The following FA2H variants were observed in gnomAD, a reference collection of about 807,000 sequenced individuals.
FA2H encodes the protein fatty acid alpha-hydroxylase.
In FA2H, 22 loss-of-function variants were observed where a neutral mutation model predicts 44.9. The observed-to-expected ratio is 0.49, with a 90% CI of 0.35 to 0.70. FA2H has a LOEUF of 0.70. Ranked by LOEUF, FA2H falls within the 30% of genes least tolerant of loss-of-function variation. The pLI, the probability that FA2H is intolerant of heterozygous loss-of-function variation, is 0.01. For synonymous variants in FA2H, 243 were observed against 213.2 expected (o/e 1.14, Z -1.22); for missense variants, 501 against 504.9 (o/e 0.99, Z 0.07).
At chr16:74,716,766 G>T in intron 5 of FA2H, 167 bp from the exon 6 acceptor site, 2 of 654,952 alleles carry the variant, frequency 3.1e-6, no homozygotes, top group Non-Finnish European at 5.0e-6. Context: ...ACGTCTGGAA[G>T]ATCTGGAGAG....
chr16:74,764,995 C>G (rs140686768), intron 1 of FA2H, among the ~76,000 whole-genome samples: 1 of 152,036 alleles, frequency 6.6e-6, no homozygotes, highest in Admixed American at 6.6e-5. Context: ...ACTCATGGGA[C>G]GGGTAGACTG....
chr16:74,770,027 C>A (rs1410010904), intron 1 of FA2H, among the ~76,000 whole-genome samples: 2 of 152,210 alleles, frequency 1.3e-5, no homozygotes, highest in Non-Finnish European at 2.9e-5. Context: ...CGGGTCCAGG[C>A]CTTCTCCCTG....
intron 4 of FA2H, among the ~76,000 whole-genome samples, chr16:74,725,582 ATC>A (rs1961935038): frequency 1.3e-5 from 2 of 152,156 alleles, no homozygotes; most frequent in African/African-American, 4.8e-5. Context: ...CTCCCTTGAT[ATC>A]TCTGAGGCTC....
At chr16:74,751,286 G>A (rs241380) in intron 1 of FA2H, among the ~76,000 whole-genome samples, 27,848 of 149,184 alleles carry the variant, frequency 0.19, 3,518 homozygotes, top group East Asian at 0.37. Flanking sequence ...AGTAGAGATG[G>A]GATTTCACTA....
chr16:74,746,592 C>A lies in FA2H; in HGVS notation c.271-6477G>T, dbSNP rs151218254. 2.3e-3 allele frequency among the ~76,000 whole-genome samples: 343 copies of A among 152,186 alleles called. 9 individuals carry two copies. The East Asian group carries it at 0.061, about 27-fold the overall frequency. ...TCTCCAGATTTTAAAATTTGACTTG[C>A]ATTTAAAACAAATGATGTGGGCCGA... is the stretch of plus-strand genomic sequence containing the variant. On this transcript the variant is annotated intron_variant, in intron 1 of 6. Transcript: ENST00000219368.
chr16:74,724,945 C>G (rs1256949283), intron 4 of FA2H, among the ~76,000 whole-genome samples: 1 of 152,222 alleles, frequency 6.6e-6, no homozygotes, highest in Non-Finnish European at 1.5e-5. Context: ...CTTCAGCATC[C>G]CCTTCCCCCT....
intron 5 of FA2H, 65 bp from the exon 6 acceptor site, chr16:74,716,664 GC>G: frequency 6.7e-7 from 1 of 1,493,790 alleles, no homozygotes. Context: ...CCAAACCCTG[GC>G]CACTCCCTGC....
intron 1 of FA2H, among the ~76,000 whole-genome samples, chr16:74,761,058 A>T (rs963547006): frequency 2.0e-5 from 3 of 152,150 alleles, no homozygotes; most frequent in African/African-American, 7.2e-5. Context: ...ACCATGGCAC[A>T]CGTTTACCTG....
chr16:74,715,215 A>G (rs1961666616), intron 6 of FA2H, among the ~76,000 whole-genome samples: 1 of 152,162 alleles, frequency 6.6e-6, no homozygotes, highest in Non-Finnish European at 1.5e-5. Context: ...AAACTTTAGT[A>G]TCTGAATTGA....
chr16:74,734,517 C>T (rs1225375199), intron 2 of FA2H, among the ~76,000 whole-genome samples: 1 of 152,220 alleles, frequency 6.6e-6, no homozygotes, highest in African/African-American at 2.4e-5. Context: ...GCCCCTCCCC[C>T]AGCCTGCTCG....
chr16:74,741,808 A>ATATATGTGTGTGTGTGTGTG (rs1491185782), intron 1 of FA2H, among the ~76,000 whole-genome samples: 1 of 48,416 alleles, frequency 2.1e-5, no homozygotes, highest in Non-Finnish European at 3.5e-5. Flanking sequence ...ATATATATAT[A>ATATATGTGTGTGTGTGTGTG]TGTGTGTGTG....
rs541753758 is a variant in FA2H, at chr16:74,714,226, G to C, written c.1083C>G (p.Thr361=). ...STKLWDYCFH[T]LTPEKPHLKT... Reference sequence around the variant, plus strand: ...TCAGGTGGGGTTTCTCTGGAGTGAGGGTGTGGAAACAGTAATCCCACAATT... The same window carrying C: ...TCAGGTGGGGTTTCTCTGGAGTGAGCGTGTGGAAACAGTAATCCCACAATT... Residue 361 remains threonine, a synonymous_variant, in exon 7 of 7, where the codon ACC becomes ACG. Coordinates refer to ENST00000219368, the MANE Select transcript of FA2H (RefSeq NM_024306.5). 1.9e-6 allele frequency: 3 copies of C among 1,566,354 alleles called. No homozygotes were observed. The Admixed American group carries it at 5.7e-5, about 30-fold the overall frequency.
rs79408408 is a variant in FA2H, at chr16:74,745,084, A to C, written c.271-4969T>G. On this transcript the variant is annotated intron_variant, in intron 1 of 6. Transcript: ENST00000219368. The stretch of plus-strand genomic sequence containing the variant: ...GCGAACGAGACTGTCCCAGGGCAAC[A>C]GTCTGGTGCTGAGGACAGAAGCCCT... 9.4e-3 allele frequency among the ~76,000 whole-genome samples: 1,430 copies of C among 152,314 alleles called. 10 individuals are homozygous for C. The highest frequency in any genetic ancestry group is 0.014 in the Non-Finnish European group (960 of 68,022).
At chr16:74,745,851 G>A (rs1962412280) in intron 1 of FA2H, among the ~76,000 whole-genome samples, 1 of 144,480 alleles carries the variant, frequency 6.9e-6, no homozygotes, top group South Asian at 2.2e-4. Context: ...TGTAGCCCTG[G>A]CTAGAATGCA....
chr16:74,723,956 C>T (rs1467990917), intron 4 of FA2H, among the ~76,000 whole-genome samples: 4 of 151,992 alleles, frequency 2.6e-5, no homozygotes, highest in African/African-American at 9.7e-5. Flanking sequence ...GGCTAGAGTG[C>T]AGTGGCATGA....
intron 1 of FA2H, among the ~76,000 whole-genome samples, chr16:74,753,588 G>A (rs888277763): frequency 2.6e-5 from 4 of 152,056 alleles, no homozygotes; most frequent in Admixed American, 6.6e-5. Context: ...TGGGAGAATC[G>A]CTTGAACCCA....
chr16:74,727,184 ATC>A (rs1241772771), intron 3 of FA2H, 58 bp downstream of exon 3: 1 of 1,611,450 alleles, frequency 6.2e-7, no homozygotes, highest in African/African-American at 1.3e-5. Flanking sequence ...CCCTTTCCAT[ATC>A]TGATTGGCAC....
chr16:74,752,826 G>T (rs888440692), intron 1 of FA2H, among the ~76,000 whole-genome samples: 1 of 152,190 alleles, frequency 6.6e-6, no homozygotes, highest in Admixed American at 6.5e-5. Context: ...AGTGTCCTGG[G>T]TATAGTGCTG....
At chr16:74,715,790 C>T (rs7191746) in intron 6 of FA2H, among the ~76,000 whole-genome samples, 11,258 of 151,504 alleles carry the variant, frequency 0.074, 853 homozygotes, top group African/African-American at 0.2. Flanking sequence ...ATTCCATCAC[C>T]TTGCTTTACT....
Sources: allele counts gnomAD v4.1 joint callset (sites outside exome capture counted in the v4.1 genomes callset), GRCh38; gene constraint gnomAD v4.1.1; transcripts MANE v1.5; gene names NCBI Gene and HGNC (gene_info 2026-07-23, HGNC 2026-07-21).